ARHGEF3: variants seen among roughly 807,000 people sequenced by gnomAD.
ARHGEF3 encodes the protein Rho guanine nucleotide exchange factor 3.
ARHGEF3 carries 28 observed loss-of-function variants against 63.2 expected under a neutral mutation model. The observed-to-expected ratio is 0.44, with a 90% CI of 0.33 to 0.61. The LOEUF (loss-of-function observed/expected upper bound fraction) is 0.61. ARHGEF3 is among the 20% of genes least tolerant of loss of function. The probability of loss-of-function intolerance (pLI) is 0.03; values close to 1 mark genes in which losing one functional copy is unlikely to be tolerated. For missense variants in ARHGEF3, 533 were observed against 659.3 expected, an observed-to-expected ratio of 0.81 and a Z score of 2.10; for synonymous variants, 266 against 254.2, an observed-to-expected ratio of 1.05 and a Z score of -0.44.
At chr3:56,958,726 T>C in intron 3 of ARHGEF3, 2 of 1,285,048 alleles carry the variant, frequency 1.6e-6, no homozygotes, top group Non-Finnish European at 2.2e-6. Context: ...GAGACTTTGA[T>C]TAGTAAAACC....
intron 4 of ARHGEF3, among the ~76,000 whole-genome samples, chr3:56,873,472 G>C: frequency 6.6e-6 from 1 of 151,906 alleles, no homozygotes; most frequent in Non-Finnish European, 1.5e-5. Flanking sequence ...CACTTATAAG[G>C]GAGAACATAT....
At chr3:56,812,212 A>T (rs944780377) in intron 4 of ARHGEF3, among the ~76,000 whole-genome samples, 9 of 152,230 alleles carry the variant, frequency 5.9e-5, no homozygotes, top group Non-Finnish European at 1.2e-4. Context: ...CTGAGATGGG[A>T]CCAAAAAATA....
At chr3:56,800,326 G>GA (rs34151218) in intron 1 of ARHGEF3, among the ~76,000 whole-genome samples, 1 of 152,174 alleles carries the variant, frequency 6.6e-6, no homozygotes, top group African/African-American at 2.4e-5. Context: ...AGTTCCCACT[G>GA]AAAAAATATT....
intron 3 of ARHGEF3, 54 bp downstream of exon 3, chr3:56,754,927 T>TGCAATGCACCTTTGTTCCA: frequency 6.2e-7 from 1 of 1,606,364 alleles, no homozygotes; most frequent in Non-Finnish European, 8.5e-7. Flanking sequence ...TGGCTGACGC[T>TGCAATGCACCTTTGTTCCA]GCAATGCACC....
At chr3:57,033,952 G>A (rs1703842269) in intron 2 of ARHGEF3, among the ~76,000 whole-genome samples, 1 of 151,982 alleles carries the variant, frequency 6.6e-6, no homozygotes, top group Non-Finnish European at 1.5e-5. Flanking sequence ...GGCTGAGGCA[G>A]GAGAATCGTT....
At chr3:56,790,486 C>G (rs1252267706) in intron 1 of ARHGEF3, among the ~76,000 whole-genome samples, 1 of 152,162 alleles carries the variant, frequency 6.6e-6, no homozygotes, top group Non-Finnish European at 1.5e-5. Context: ...ATCCCCAACA[C>G]AATCACCAGG....
At chr3:57,077,818 T>A (rs1209731808) in intron 1 of ARHGEF3, among the ~76,000 whole-genome samples, 3 of 152,166 alleles carry the variant, frequency 2.0e-5, no homozygotes, top group Admixed American at 6.5e-5. Flanking sequence ...TTGACAAAGT[T>A]CATCTCTAAT....
intron 2 of ARHGEF3, among the ~76,000 whole-genome samples, chr3:56,994,156 T>C (rs1053043981): frequency 1.3e-5 from 2 of 151,716 alleles, no homozygotes; most frequent in Non-Finnish European, 2.9e-5. Context: ...ATCAGATGTA[T>C]TTTTTGAAAT....
chr3:56,996,905 T>TTTG (rs1702019232), intron 2 of ARHGEF3, among the ~76,000 whole-genome samples: 1 of 120,006 alleles, frequency 8.3e-6, no homozygotes, highest in East Asian at 2.0e-4. Flanking sequence ...TTTTTTTTTT[T>TTTG]GCAATTTGCT....
intron 4 of ARHGEF3, among the ~76,000 whole-genome samples, chr3:56,814,110 G>A (rs1401930089): frequency 6.6e-6 from 1 of 152,156 alleles, no homozygotes; most frequent in African/African-American, 2.4e-5. Flanking sequence ...CTCCCACTCT[G>A]CCTTTACAGC....
chr3:57,048,559 T>C (rs1704554208), intron 1 of ARHGEF3, among the ~76,000 whole-genome samples: 1 of 152,070 alleles, frequency 6.6e-6, no homozygotes, highest in South Asian at 2.1e-4. Flanking sequence ...AATAGACAGA[T>C]GCTTCCGGAG....
At chr3:56,899,943 G>A (rs1403563307) in intron 3 of ARHGEF3, among the ~76,000 whole-genome samples, 1 of 152,172 alleles carries the variant, frequency 6.6e-6, no homozygotes, top group Non-Finnish European at 1.5e-5. Flanking sequence ...ACAGGAAATG[G>A]GAGTGCTTGG....
chr3:56,795,723 T>C (rs1286855775), intron 1 of ARHGEF3, among the ~76,000 whole-genome samples: 1 of 148,564 alleles, frequency 6.7e-6, no homozygotes, highest in Non-Finnish European at 1.5e-5. Flanking sequence ...CTCACTGCAA[T>C]CTCTGCCTCC....
At chr3:57,047,780 T>C (rs1256300160) in intron 1 of ARHGEF3, among the ~76,000 whole-genome samples, 3 of 152,046 alleles carry the variant, frequency 2.0e-5, no homozygotes, top group South Asian at 4.2e-4. Context: ...GAGACCTCTG[T>C]TGGAATGAAG....
At chr3:56,771,941 A>C (rs1360714796) in intron 2 of ARHGEF3, among the ~76,000 whole-genome samples, 2 of 152,196 alleles carry the variant, frequency 1.3e-5, no homozygotes, top group Non-Finnish European at 2.9e-5. Context: ...GATGTGCGGG[A>C]CTAGGGCAGT....
intron 2 of ARHGEF3, among the ~76,000 whole-genome samples, chr3:57,028,069 T>C (rs1228209921): frequency 2.7e-5 from 4 of 150,372 alleles, no homozygotes; most frequent in African/African-American, 9.8e-5. Context: ...TGTGGAGAAA[T>C]AGGAACACTT....
chr3:57,040,431 C>T (rs1382287067), intron 1 of ARHGEF3, among the ~76,000 whole-genome samples: 1 of 143,880 alleles, frequency 7.0e-6, no homozygotes, highest in Non-Finnish European at 1.5e-5. Context: ...GAGCTGAGAT[C>T]ACGCCACTGC....
chr3:56,940,367 G>A (rs1699116461), intron 3 of ARHGEF3, among the ~76,000 whole-genome samples: 1 of 152,072 alleles, frequency 6.6e-6, no homozygotes, highest in Non-Finnish European at 1.5e-5. Context: ...ACTAAGCAAG[G>A]ACTAATCAAA....
intron 4 of ARHGEF3, among the ~76,000 whole-genome samples, chr3:56,855,183 T>C (rs1448283352): frequency 1.3e-5 from 2 of 150,982 alleles, no homozygotes; most frequent in African/African-American, 4.9e-5. Flanking sequence ...GAGGGAGGGG[T>C]GCCTGCAGTC....
Sources: gnomAD v4.1 joint callset for allele counts (sites outside exome capture counted in the v4.1 genomes callset) on GRCh38, gnomAD v4.1.1 for gene constraint, MANE v1.5 for transcripts, NCBI Gene and HGNC (gene_info 2026-07-23, HGNC 2026-07-21) for gene names.